The following FHIP1A variants were observed in gnomAD, a reference collection of about 807,000 sequenced individuals.
FHIP1A encodes FHF complex subunit HOOK-interacting protein 1A.
FHIP1A carries 61 observed loss-of-function variants against 88.6 expected under a neutral mutation model. The ratio of observed to expected loss-of-function variants is 0.69; its 90% CI spans 0.56 to 0.85. FHIP1A has a LOEUF of 0.85. FHIP1A is among the 40% of genes least tolerant of loss of function. FHIP1A has a pLI of 0.00. For missense variants in FHIP1A, 1,154 were observed against 1,273.5 expected (o/e 0.91, Z 1.43); for synonymous variants, 478 against 496.0 (o/e 0.96, Z 0.48).
Position 151,573,392 on chromosome 4 carries a change from C to T in FHIP1A, c.106-4058C>T, listed in dbSNP as rs115333708. On this transcript the variant is annotated intron_variant, in intron 4 of 13. Transcript: ENST00000435205. ...TTTAAGTTGCTATTTCTGATTTCAG[C>T]TGGTTTACTTAATTAATGAGCGTGG... Among the ~76,000 whole-genome samples, 384 of 152,230 alleles carry T rather than the reference C, an allele frequency of 2.5e-3. 4 individuals are homozygous for T. The highest frequency in any genetic ancestry group is 8.8e-3 in the African/African-American group (367 of 41,544).
At chr4:151,589,399 A>C (rs1734340868) in intron 7 of FHIP1A, among the ~76,000 whole-genome samples, 1 of 151,910 alleles carries the variant, frequency 6.6e-6, no homozygotes, top group South Asian at 2.1e-4. Flanking sequence ...GAGCCAAATT[A>C]AGGTCCCATC....
chr4:151,661,583 T>C (rs1192890365), intron 13 of FHIP1A, among the ~76,000 whole-genome samples: 1 of 151,956 alleles, frequency 6.6e-6, no homozygotes, highest in Non-Finnish European at 1.5e-5. Context: ...TAATGATTTA[T>C]AAGGAGTAAT....
intron 1 of FHIP1A, among the ~76,000 whole-genome samples, chr4:151,441,197 C>T (rs1728399264): frequency 6.6e-6 from 1 of 152,184 alleles, no homozygotes; most frequent in Middle Eastern, 3.4e-3. Context: ...GTGAATGAAT[C>T]ACAAATCCTA....
chr4:151,545,220 T>C (rs892128241), intron 3 of FHIP1A, among the ~76,000 whole-genome samples: 1 of 152,194 alleles, frequency 6.6e-6, no homozygotes, highest in Non-Finnish European at 1.5e-5. Flanking sequence ...GCAATGACTT[T>C]TTGCAGTTTA....
At chr4:151,599,903 C>T (rs1343540032) in intron 7 of FHIP1A, among the ~76,000 whole-genome samples, 2 of 150,456 alleles carry the variant, frequency 1.3e-5, no homozygotes, top group African/African-American at 2.5e-5. Context: ...TCAAATGGAC[C>T]CCTAATGCAT....
At chr4:151,439,695 C>G (rs1481233397) in intron 1 of FHIP1A, among the ~76,000 whole-genome samples, 1 of 152,122 alleles carries the variant, frequency 6.6e-6, no homozygotes, top group East Asian at 1.9e-4. Context: ...ACTCTTTGAT[C>G]TTACCTTCTG....
At chr4:151,528,053 G>A (rs1384127947) in intron 3 of FHIP1A, among the ~76,000 whole-genome samples, 1 of 152,198 alleles carries the variant, frequency 6.6e-6, no homozygotes, top group Non-Finnish European at 1.5e-5. Flanking sequence ...ACCCAGGCCA[G>A]TGGCTTCAGA....
chr4:151,425,189 A>G (rs148085673), intron 1 of FHIP1A, among the ~76,000 whole-genome samples: 2 of 152,352 alleles, frequency 1.3e-5, no homozygotes, highest in Non-Finnish European at 2.9e-5. Flanking sequence ...GATTCTGATC[A>G]ATCCTTTAGA....
chr4:151,517,505 C>T (rs769642571), intron 3 of FHIP1A, among the ~76,000 whole-genome samples: 60 of 152,058 alleles, frequency 3.9e-4, no homozygotes, highest in African/African-American at 1.2e-3. Flanking sequence ...AGCAATATGG[C>T]GACTTTGGTT....
At chr4:151,621,861 C>T (rs1156258732) in intron 7 of FHIP1A, among the ~76,000 whole-genome samples, 2 of 151,712 alleles carry the variant, frequency 1.3e-5, no homozygotes, top group Non-Finnish European at 2.9e-5. Context: ...GAATGAGTTA[C>T]GCTCTGCATT....
chr4:151,603,477 C>G (rs1734954242), intron 7 of FHIP1A, among the ~76,000 whole-genome samples: 1 of 152,014 alleles, frequency 6.6e-6, no homozygotes, highest in African/African-American at 2.4e-5. Flanking sequence ...GTTGTCTTTC[C>G]CTAAATGTGG....
intron 2 of FHIP1A, among the ~76,000 whole-genome samples, chr4:151,462,129 C>G (rs554906253): frequency 6.6e-6 from 1 of 152,206 alleles, no homozygotes; most frequent in East Asian, 1.9e-4. Context: ...CCACTGTACT[C>G]CAGCCTGGGC....
intron 4 of FHIP1A, among the ~76,000 whole-genome samples, chr4:151,569,362 G>A (rs1733510597): frequency 6.6e-6 from 1 of 152,078 alleles, no homozygotes; most frequent in Admixed American, 6.6e-5. Context: ...GACCAACCTG[G>A]CCAACATAGA....
chr4:151,515,645 C>G (rs1731205822), intron 3 of FHIP1A, among the ~76,000 whole-genome samples: 1 of 152,158 alleles, frequency 6.6e-6, no homozygotes, highest in South Asian at 2.1e-4. Context: ...CACAAGCATT[C>G]TTATACACCA....
At chr4:151,475,544 C>G (rs1212609118) in intron 2 of FHIP1A, among the ~76,000 whole-genome samples, 1 of 152,046 alleles carries the variant, frequency 6.6e-6, no homozygotes, top group African/African-American at 2.4e-5. Context: ...GCAAGTCTGG[C>G]AGGTGTTGCA....
intron 3 of FHIP1A, among the ~76,000 whole-genome samples, chr4:151,497,012 A>G (rs906261823): frequency 2.0e-5 from 3 of 152,164 alleles, no homozygotes; most frequent in African/African-American, 7.2e-5. Context: ...GAAAGCAACA[A>G]TATATAGCTG....
intron 3 of FHIP1A, among the ~76,000 whole-genome samples, chr4:151,511,330 C>T (rs1731020166): frequency 6.6e-6 from 1 of 152,180 alleles, no homozygotes; most frequent in African/African-American, 2.4e-5. Context: ...AGGAACCGCT[C>T]CGGTCTACAG....
At chr4:151,507,409 T>A (rs1730872873) in intron 3 of FHIP1A, among the ~76,000 whole-genome samples, 1 of 152,148 alleles carries the variant, frequency 6.6e-6, no homozygotes, top group African/African-American at 2.4e-5. Context: ...CAATAAGGAA[T>A]GAGTGAGGAA....
At chr4:151,494,149 T>C (rs1560730057) in intron 3 of FHIP1A, among the ~76,000 whole-genome samples, 1 of 152,206 alleles carries the variant, frequency 6.6e-6, no homozygotes, top group Non-Finnish European at 1.5e-5. Context: ...TTGCAAATAT[T>C]TTCTTCCATT....
Sources: gnomAD v4.1 joint callset for allele counts (sites outside exome capture counted in the v4.1 genomes callset) on GRCh38, gnomAD v4.1.1 for gene constraint, MANE v1.5 for transcripts, NCBI Gene and HGNC (gene_info 2026-07-23, HGNC 2026-07-21) for gene names.